The following MRAP2 variants were observed in gnomAD, a reference collection of about 807,000 sequenced individuals.
MRAP2 encodes the protein melanocortin-2 receptor accessory protein 2.
A neutral mutation model predicts 17.4 loss-of-function variants in MRAP2; 20 were observed. The observed-to-expected ratio is 1.15, with a 90% CI of 0.81 to 1.67. The LOEUF is 1.67. Among genes scored for constraint, MRAP2 ranks in the 40% most tolerant of loss-of-function variants. The probability of loss-of-function intolerance (pLI) is 0.00; values close to 1 mark genes in which losing one functional copy is unlikely to be tolerated. For missense variants in MRAP2, 238 were observed against 240.0 expected (o/e 0.99, Z 0.05); for synonymous variants, 96 against 88.4 (o/e 1.09, Z -0.48).
At chr6:84,048,633 C>T (rs2099489632) in intron 1 of MRAP2, among the ~76,000 whole-genome samples, 1 of 152,190 alleles carries the variant, frequency 6.6e-6, no homozygotes, top group African/African-American at 2.4e-5. Context: ...CAACCATTGA[C>T]ACTGGAATAA....
chr6:84,136,653 A>G, the MRAP2 span, among the ~76,000 whole-genome samples: 1 of 152,178 alleles, frequency 6.6e-6, no homozygotes. Context: ...CAGATGTTTC[A>G]CTGCTATATC....
the MRAP2 span, among the ~76,000 whole-genome samples, chr6:84,119,302 T>A: frequency 6.6e-6 from 1 of 152,376 alleles, no homozygotes; most frequent in Non-Finnish European, 1.5e-5. Flanking sequence ...TTCCAATTTA[T>A]GAATATGGGA....
chr6:84,070,199 G>C (rs1168663719), intron 3 of MRAP2, among the ~76,000 whole-genome samples: 1 of 151,896 alleles, frequency 6.6e-6, no homozygotes, highest in Non-Finnish European at 1.5e-5. Context: ...GTCAGTTTGT[G>C]CTCTTTCAGT....
At chr6:84,086,099 A>C (rs1456228017) in intron 3 of MRAP2, among the ~76,000 whole-genome samples, 1 of 152,210 alleles carries the variant, frequency 6.6e-6, no homozygotes, top group Non-Finnish European at 1.5e-5. Flanking sequence ...CTAAATAACA[A>C]ATACTGAGAG....
upstream of MRAP2, among the ~76,000 whole-genome samples, chr6:84,033,402 C>T (rs1186219262): frequency 6.6e-6 from 1 of 152,000 alleles, no homozygotes; most frequent in African/African-American, 2.4e-5. Flanking sequence ...TATGGGGGGG[C>T]TCTGGCCTTA....
intron 3 of MRAP2, among the ~76,000 whole-genome samples, chr6:84,077,104 T>C (rs2099497828): frequency 6.6e-6 from 1 of 152,180 alleles, no homozygotes. Flanking sequence ...TGAATCCAAT[T>C]ACAGCACATC....
chr6:84,050,334 A>G (rs529988883), intron 1 of MRAP2, among the ~76,000 whole-genome samples: 1 of 152,288 alleles, frequency 6.6e-6, no homozygotes, highest in East Asian at 1.9e-4. Flanking sequence ...CTGGGAGGAC[A>G]CTGTGGCAGC....
the MRAP2 span, among the ~76,000 whole-genome samples, chr6:84,118,477 G>T: frequency 6.6e-6 from 1 of 152,154 alleles, no homozygotes; most frequent in Non-Finnish European, 1.5e-5. Flanking sequence ...GGGAGGTCCC[G>T]CCCCATGAAG....
chr6:84,072,357 C>A (rs1278924915), intron 3 of MRAP2, among the ~76,000 whole-genome samples: 1 of 152,154 alleles, frequency 6.6e-6, no homozygotes, highest in Non-Finnish European at 1.5e-5. Flanking sequence ...CTGGGTCTAG[C>A]CACCCAGCAA....
chr6:84,066,003 A>AC (rs2099494590), intron 3 of MRAP2, among the ~76,000 whole-genome samples: 1 of 142,402 alleles, frequency 7.0e-6, no homozygotes, highest in African/African-American at 2.9e-5. Flanking sequence ...CTCTCTTTAT[A>AC]AACACACACA....
At chr6:84,120,169 C>A in the MRAP2 span, among the ~76,000 whole-genome samples, 1 of 152,322 alleles carries the variant, frequency 6.6e-6, no homozygotes, top group African/African-American at 2.4e-5. Context: ...GGTGTCTTAG[C>A]TCCAGAGAGG....
At chr6:84,132,938 G>C in the MRAP2 span, among the ~76,000 whole-genome samples, 4 of 152,062 alleles carry the variant, frequency 2.6e-5, no homozygotes, top group African/African-American at 9.7e-5. Flanking sequence ...GAGGCACTCT[G>C]ATTTTTGGAA....
At chr6:84,130,238 G>T in the MRAP2 span, among the ~76,000 whole-genome samples, 1 of 152,176 alleles carries the variant, frequency 6.6e-6, no homozygotes, top group African/African-American at 2.4e-5. Context: ...GCTTTTTGAT[G>T]TGCTGCTGGA....
intron 3 of MRAP2, among the ~76,000 whole-genome samples, chr6:84,064,890 C>G (rs1308479350): frequency 6.6e-6 from 1 of 152,206 alleles, no homozygotes; most frequent in Non-Finnish European, 1.5e-5. Flanking sequence ...ATCTGTTGTT[C>G]ACTCTTCAGC....
chr6:84,058,527 A>G (rs1430560838), intron 2 of MRAP2, among the ~76,000 whole-genome samples: 2 of 152,106 alleles, frequency 1.3e-5, no homozygotes, highest in Admixed American at 6.5e-5. Flanking sequence ...TGAGACATCT[A>G]TCACATATCC....
chr6:84,076,377 C>T (rs1370485101), intron 3 of MRAP2, among the ~76,000 whole-genome samples: 2 of 152,092 alleles, frequency 1.3e-5, no homozygotes, highest in African/African-American at 4.8e-5. Context: ...GTGCCCACAA[C>T]CATGCCCAGC....
At chr6:84,092,351 C>G (rs2099501906), downstream of MRAP2, among the ~76,000 whole-genome samples, 1 of 152,124 alleles carries the variant, frequency 6.6e-6, no homozygotes, top group African/African-American at 2.4e-5. Flanking sequence ...AGGTTTATAT[C>G]CATTCTATAT....
At chr6:84,099,326 A>C in the MRAP2 span, among the ~76,000 whole-genome samples, 1 of 151,340 alleles carries the variant, frequency 6.6e-6, no homozygotes, top group Non-Finnish European at 1.5e-5. Context: ...TTTATTTTTA[A>C]ATTTTTTTTA....
chr6:84,035,395 C>G, intron 1 of MRAP2: 1 of 983,698 alleles, frequency 1.0e-6, no homozygotes, highest in Non-Finnish European at 1.2e-6. Flanking sequence ...TACGCCAAAC[C>G]AACTCCCTTC....
Sources: gnomAD v4.1 joint callset for allele counts (sites outside exome capture counted in the v4.1 genomes callset) on GRCh38, gnomAD v4.1.1 for gene constraint, MANE v1.5 for transcripts, NCBI Gene and HGNC (gene_info 2026-07-23, HGNC 2026-07-21) for gene names.